Variants in CPA6 observed in about 807,000 individuals in gnomAD.
CPA6 encodes carboxypeptidase A6.
A neutral mutation model predicts 63.3 loss-of-function variants in CPA6; 58 were observed. That is an observed-to-expected ratio of 0.92 (90% confidence interval 0.74 to 1.14). CPA6 has a LOEUF of 1.14. CPA6 is among the 50% of genes most tolerant of loss of function. The pLI is 0.00. For synonymous variants in CPA6, 185 were observed against 179.0 expected, an observed-to-expected ratio of 1.03 and a Z score of -0.27; for missense variants, 565 against 526.6, an observed-to-expected ratio of 1.07 and a Z score of -0.71.
At chr8:67,475,809 C>CT (rs1263715105) in intron 8 of CPA6, among the ~76,000 whole-genome samples, 4 of 48,102 alleles carry the variant, frequency 8.3e-5, no homozygotes, top group South Asian at 6.6e-4. Flanking sequence ...TTCTTTCTTT[C>CT]TTTCTTTCCT....
At chr8:67,609,560 G>A (rs1254566070) in intron 2 of CPA6, among the ~76,000 whole-genome samples, 1 of 152,040 alleles carries the variant, frequency 6.6e-6, no homozygotes. Context: ...TGATTCATAA[G>A]GGCTCTTATG....
chr8:67,745,429 CTGAT>C (rs2129004904), intron 1 of CPA6, among the ~76,000 whole-genome samples: 1 of 152,334 alleles, frequency 6.6e-6, no homozygotes, highest in East Asian at 1.9e-4. Flanking sequence ...GGGGACAAAA[CTGAT>C]TGTTTTACTC....
At chr8:67,649,351 CTCTT>C (rs1215863638) in intron 1 of CPA6, among the ~76,000 whole-genome samples, 1 of 152,174 alleles carries the variant, frequency 6.6e-6, no homozygotes, top group Non-Finnish European at 1.5e-5. Context: ...GGGAACTTGT[CTCTT>C]TGTAATGTTT....
At chr8:67,742,710 C>A (rs915406258) in intron 1 of CPA6, among the ~76,000 whole-genome samples, 1 of 152,106 alleles carries the variant, frequency 6.6e-6, no homozygotes, top group Non-Finnish European at 1.5e-5. Context: ...GATAAGGAAA[C>A]CTCAGTTTAA....
At chr8:67,697,057 C>T (rs1816925276) in intron 1 of CPA6, among the ~76,000 whole-genome samples, 1 of 152,196 alleles carries the variant, frequency 6.6e-6, no homozygotes, top group African/African-American at 2.4e-5. Context: ...ACCCATTTTG[C>T]CCTGAGGAAA....
intron 6 of CPA6, among the ~76,000 whole-genome samples, chr8:67,492,574 TC>T (rs138070030): frequency 0.03 from 4,518 of 152,232 alleles, 222 homozygotes; most frequent in African/African-American, 0.1. Context: ...TAAAATCATT[TC>T]CCAATACATG....
intron 2 of CPA6, among the ~76,000 whole-genome samples, chr8:67,536,118 G>T (rs1235114533): frequency 6.6e-6 from 1 of 152,134 alleles, no homozygotes; most frequent in African/African-American, 2.4e-5. Context: ...ATGGTTTGAA[G>T]TCAGGTAGCG....
chr8:67,483,954 G>A, intron 7 of CPA6, 96 bp from the exon 8 acceptor site: 1 of 999,538 alleles, frequency 1.0e-6, no homozygotes, highest in Non-Finnish European at 1.6e-6. Context: ...TCATACCACT[G>A]AGGGGAGAGT....
intron 6 of CPA6, among the ~76,000 whole-genome samples, chr8:67,506,568 G>A (rs1811930238): frequency 6.6e-6 from 1 of 152,152 alleles, no homozygotes; most frequent in South Asian, 2.1e-4. Flanking sequence ...TCTCTGTAAT[G>A]AGAGCTGCCA....
chr8:67,571,723 G>A (rs975406790), intron 2 of CPA6, among the ~76,000 whole-genome samples: 3 of 151,960 alleles, frequency 2.0e-5, no homozygotes, highest in Admixed American at 6.6e-5. Context: ...TAGCAAAAAC[G>A]CCTACATCAA....
At chr8:67,700,072 C>T (rs1030848475) in intron 1 of CPA6, among the ~76,000 whole-genome samples, 15 of 152,128 alleles carry the variant, frequency 9.9e-5, no homozygotes, top group African/African-American at 2.7e-4. Flanking sequence ...CTCATATAAT[C>T]GTGAGGTTTA....
intron 6 of CPA6, among the ~76,000 whole-genome samples, chr8:67,487,035 A>AT (rs949808936): frequency 6.6e-5 from 10 of 150,554 alleles, no homozygotes; most frequent in South Asian, 2.1e-4. Flanking sequence ...TAAATATTAA[A>AT]TTTTTTTTTC....
chr8:67,506,833 G>T lies in CPA6; in HGVS notation c.590C>A (p.Ala197Glu), dbSNP rs754644677. 5 of 1,613,560 alleles carry T rather than the reference G, an allele frequency of 3.1e-6. No homozygotes were observed. The highest frequency in any genetic ancestry group is 3.4e-6 in the Non-Finnish European group (4 of 1,179,610). ...AAAGGCAGGACCAATCCATTCTCTT[G>T]CATGAATACCACAGTCTATCCAAAC... ...RAVWIDCGIH[A>E]REWIGPAFCQ... Residue 197 changes from alanine (A) to glutamate (E), a missense_variant, in exon 6 of 11, where the codon GCA becomes GAA. Ala to Glu is a moderately radical substitution (Grantham distance 107, BLOSUM62 -1). Coordinates refer to ENST00000297770, the MANE Select transcript of CPA6 (RefSeq NM_020361.5).
intron 2 of CPA6, among the ~76,000 whole-genome samples, chr8:67,541,786 C>T (rs1418249887): frequency 5.3e-5 from 8 of 152,100 alleles, no homozygotes; most frequent in Non-Finnish European, 1.2e-4. Context: ...CTGGGTGAGG[C>T]GACAGCCCAC....
At chr8:67,531,276 A>G (rs1055543445) in intron 2 of CPA6, among the ~76,000 whole-genome samples, 16 of 152,282 alleles carry the variant, frequency 1.1e-4, no homozygotes, top group African/African-American at 3.4e-4. Context: ...ATGAGGAGAT[A>G]TATCAGTAAG....
At chr8:67,741,371 C>A (rs1817909741) in intron 1 of CPA6, among the ~76,000 whole-genome samples, 1 of 152,178 alleles carries the variant, frequency 6.6e-6, no homozygotes, top group Non-Finnish European at 1.5e-5. Flanking sequence ...GTTCACCTCT[C>A]CTTCTTGGTT....
intron 8 of CPA6, among the ~76,000 whole-genome samples, chr8:67,447,048 AC>A (rs1310393176): frequency 1.1e-5 from 1 of 87,146 alleles, no homozygotes; most frequent in African/African-American, 6.5e-5. Flanking sequence ...ATATATATAT[AC>A]ACACACATAT....
chr8:67,665,461 A>G (rs147130650), intron 1 of CPA6, among the ~76,000 whole-genome samples: 2 of 152,338 alleles, frequency 1.3e-5, no homozygotes, highest in African/African-American at 4.8e-5. Flanking sequence ...CTCCAAGTAC[A>G]AGAACTGAAA....
intron 1 of CPA6, among the ~76,000 whole-genome samples, chr8:67,724,037 A>G (rs922498124): frequency 6.6e-6 from 1 of 152,220 alleles, no homozygotes; most frequent in Non-Finnish European, 1.5e-5. Flanking sequence ...TCTCTAATAC[A>G]TGGTTCTCTC....
Sources: gnomAD v4.1 joint callset for allele counts (sites outside exome capture counted in the v4.1 genomes callset) on GRCh38, gnomAD v4.1.1 for gene constraint, MANE v1.5 for transcripts, NCBI Gene and HGNC (gene_info 2026-07-23, HGNC 2026-07-21) for gene names.